The following GPC4 variants were observed in gnomAD, a reference collection of about 807,000 sequenced individuals.
GPC4 encodes glypican-4.
GPC4 carries 10 observed loss-of-function variants against 35.0 expected under a neutral mutation model. The observed-to-expected ratio is 0.29, with a 90% CI of 0.18 to 0.48. The LOEUF is 0.48. Ranked by LOEUF, GPC4 falls within the 20% of genes least tolerant of loss-of-function variation. GPC4 has a pLI of 0.99. For missense variants in GPC4, 322 were observed against 451.3 expected (o/e 0.71, Z 2.60); for synonymous variants, 167 against 170.2 (o/e 0.98, Z 0.15).
chrX:133,326,501 C>G (rs1191982895), intron 2 of GPC4, among the ~76,000 whole-genome samples: 1 of 111,738 alleles, frequency 8.9e-6, no homozygotes, highest in Non-Finnish European at 1.9e-5. Context: ...AGCCAACTGA[C>G]TTGTCCACAG....
Position 133,305,886 on chromosome X carries a change from G to T in GPC4, c.1041C>A (p.Leu347=). The T allele has an allele frequency of 3.3e-6, 4 of 1,211,653 alleles. No homozygotes were observed. The highest frequency in any genetic ancestry group is 4.5e-6 in the Non-Finnish European group (4 of 895,522). ...TGGAACGAGAAATTCGTCCAGCTGG[G>T]AGGGGCTTGGGGGGTCCACATCCCT... ...VFQGCGPPKP[L]PAGRISRSIS... The change falls in exon 6 of 9, where the codon CTC becomes CTA. Residue 347 remains leucine, a synonymous_variant. Transcript: ENST00000370828.
At chrX:133,352,979 T>G (rs2124144834) in intron 1 of GPC4, among the ~76,000 whole-genome samples, 1 of 112,111 alleles carries the variant, frequency 8.9e-6, no homozygotes, top group Non-Finnish European at 1.9e-5. Context: ...TAAAAAAATT[T>G]ACTTCCTTAG....
chrX:133,409,313 C>T (rs1413570826), intron 1 of GPC4, among the ~76,000 whole-genome samples: 10 of 76,227 alleles, frequency 1.3e-4, no homozygotes, highest in African/African-American at 4.7e-4. Context: ...ACAGTGAGAC[C>T]CTGCCTTAAA....
At chrX:133,382,761 A>AC (rs2068668481) in intron 1 of GPC4, among the ~76,000 whole-genome samples, 1 of 112,664 alleles carries the variant, frequency 8.9e-6, no homozygotes, top group African/African-American at 3.2e-5. Flanking sequence ...AAACAAACAA[A>AC]AAAACAGGCA....
chrX:133,317,024 G>T (rs2068341813), intron 3 of GPC4, among the ~76,000 whole-genome samples: 1 of 111,840 alleles, frequency 8.9e-6, no homozygotes, highest in Non-Finnish European at 1.9e-5. Flanking sequence ...CTTTTGTGGG[G>T]TGGTATGATA....
At chrX:133,362,043 G>A (rs1463760523) in intron 1 of GPC4, among the ~76,000 whole-genome samples, 2 of 109,831 alleles carry the variant, frequency 1.8e-5, no homozygotes, top group Non-Finnish European at 1.9e-5. Context: ...TTGAGACCTC[G>A]TCTCTATATA....
chrX:133,351,369 T>C (rs1482384928), intron 1 of GPC4, among the ~76,000 whole-genome samples: 1 of 89,083 alleles, frequency 1.1e-5, no homozygotes, highest in African/African-American at 4.2e-5. Context: ...CCCCATCAAC[T>C]GCCCCCCGCC....
intron 4 of GPC4, among the ~76,000 whole-genome samples, chrX:133,309,530 T>A (rs1182585024): frequency 8.9e-6 from 1 of 112,754 alleles, no homozygotes; most frequent in African/African-American, 3.2e-5. Context: ...TGTTAGAGTA[T>A]CAAAATAGTG....
intron 2 of GPC4, among the ~76,000 whole-genome samples, chrX:133,326,347 G>A (rs2068393782): frequency 8.9e-6 from 1 of 111,737 alleles, no homozygotes; most frequent in South Asian, 3.8e-4. Context: ...GTGGGCCTGG[G>A]ACCAGCAGGA....
chrX:133,340,176 T>A, intron 1 of GPC4, among the ~76,000 whole-genome samples: 1 of 110,544 alleles, frequency 9.0e-6, no homozygotes, highest in Admixed American at 9.7e-5. Context: ...GGCTTGCAGT[T>A]TGGAGGTGAG....
intron 1 of GPC4, among the ~76,000 whole-genome samples, chrX:133,346,184 G>A (rs2068490553): frequency 9.0e-6 from 1 of 111,610 alleles, no homozygotes; most frequent in African/African-American, 3.3e-5. Flanking sequence ...TGCAGAAAAA[G>A]GGGGAAGGCG....
At chrX:133,373,986 TAC>T (rs1478515931) in intron 1 of GPC4, among the ~76,000 whole-genome samples, 4 of 110,894 alleles carry the variant, frequency 3.6e-5, no homozygotes, top group Admixed American at 2.9e-4. Flanking sequence ...CTGCTAATGG[TAC>T]ACAGTTAATT....
chrX:133,411,317 T>C (rs1200680484), intron 1 of GPC4, among the ~76,000 whole-genome samples: 1 of 112,420 alleles, frequency 8.9e-6, no homozygotes, highest in African/African-American at 3.2e-5. Context: ...TGAATGCTTC[T>C]AACCCACTGC....
chrX:133,357,682 T>C (rs780702207), intron 1 of GPC4, among the ~76,000 whole-genome samples: 3 of 110,968 alleles, frequency 2.7e-5, no homozygotes, highest in Non-Finnish European at 3.8e-5. Context: ...CAGCTTAGGC[T>C]CAGTTCTGTT....
intron 1 of GPC4, among the ~76,000 whole-genome samples, chrX:133,370,205 T>C (rs1222430042): frequency 8.9e-6 from 1 of 111,985 alleles, no homozygotes; most frequent in African/African-American, 3.2e-5. Context: ...AGGTTTTTGT[T>C]CACGTCAGAA....
At position 133,306,084 on chromosome X, in the gene GPC4, A is replaced by G. The variant is rs1476232215; in HGVS notation, c.948T>C (p.Asp316=). Residue 316 remains aspartate, a synonymous_variant, in exon 5 of 9, where the codon GAT becomes GAC. Transcript: ENST00000370828. ...TCATAATAGCATCAGAAATCTTCAC[A>G]TCGATGGGATCCATGACCGATTCAA... ...FNIESVMDPI[D]VKISDAIMNM... 3 of 1,210,239 alleles carry G rather than the reference A, an allele frequency of 2.5e-6. 1 individual carries two copies. Among genetic ancestry groups the G allele is most frequent in the East Asian group, 3.0e-5 (1 of 33,814 alleles).
At chrX:133,341,549 T>G (rs2068466742) in intron 1 of GPC4, among the ~76,000 whole-genome samples, 1 of 111,196 alleles carries the variant, frequency 9.0e-6, no homozygotes, top group African/African-American at 3.3e-5. Context: ...GTTTGGAAAA[T>G]AAACTATACT....
In GPC4 at chrX:133,352,584, T is replaced by C. The variant is rs982812488; in HGVS notation, c.161-13243A>G. ...TTTTTAAAGGCCCTAACCTGGTCAC[T>C]TGATAACAAGCTTCCCTAAACTTAT... is the stretch of plus-strand genomic sequence containing the variant. On this transcript the variant is annotated intron_variant, in intron 1 of 8. Coordinates refer to ENST00000370828, the MANE Select transcript of GPC4 (RefSeq NM_001448.3). Among the ~76,000 whole-genome samples, 4 of 111,543 alleles carry C rather than the reference T, an allele frequency of 3.6e-5. No homozygotes were observed. In the East Asian group the frequency reaches 1.1e-3, roughly 31 times the overall value.
At chrX:133,349,344 A>G (rs1833510739) in intron 1 of GPC4, among the ~76,000 whole-genome samples, 1 of 112,565 alleles carries the variant, frequency 8.9e-6, no homozygotes, top group Non-Finnish European at 1.9e-5. Context: ...GGCTGAATCA[A>G]CACTGACTTC....
Sources: gnomAD v4.1 joint callset for allele counts (sites outside exome capture counted in the v4.1 genomes callset) on GRCh38, gnomAD v4.1.1 for gene constraint, MANE v1.5 for transcripts, NCBI Gene and HGNC (gene_info 2026-07-23, HGNC 2026-07-21) for gene names.